Variants in DDX21 observed in about 807,000 individuals in gnomAD.
The protein encoded by DDX21 is nucleolar RNA helicase 2.
In DDX21, 18 loss-of-function variants were observed where a neutral mutation model predicts 90.0. The observed-to-expected ratio is 0.20, with a 90% confidence interval of 0.14 to 0.30. The LOEUF (loss-of-function observed/expected upper bound fraction) is 0.30, where lower values mean the gene tolerates loss of function less well. Ranked by LOEUF, DDX21 falls within the 10% of genes least tolerant of loss-of-function variation. The pLI is 1.00. For missense variants in DDX21, 673 were observed against 944.5 expected, an observed-to-expected ratio of 0.71 and a Z score of 3.77; for synonymous variants, 294 against 318.0, an observed-to-expected ratio of 0.92 and a Z score of 0.80.
Position 68,984,047 on chromosome 10 carries a change from T to TG in DDX21, c.*1237dup, listed in dbSNP as rs1843233210. On this transcript the variant is annotated 3_prime_UTR_variant, in exon 15 of 15. Coordinates refer to ENST00000354185, the MANE Select transcript of DDX21 (RefSeq NM_004728.4). ...GAACTGAAGAACCTGATGTAGCCCC[T>TG]GGCCAGATAACTGCCTGATTTCTCA... 1 of 152,220 alleles carries TG rather than the reference T, an allele frequency of 6.6e-6. No homozygotes were observed. The highest frequency in any genetic ancestry group is 2.4e-5 in the African/African-American group (1 of 41,466). 9.4% of individuals were successfully genotyped at this position (152,220 alleles called of 1,614,324 possible). A position where few individuals can be genotyped will look rare whatever the true frequency, so the allele number is the denominator to read the frequency against.
At chr10:68,975,036 T>C (rs912846360) in intron 11 of DDX21, among the ~76,000 whole-genome samples, 1 of 152,154 alleles carries the variant, frequency 6.6e-6, no homozygotes, top group Non-Finnish European at 1.5e-5. Flanking sequence ...TTTCACAAAG[T>C]GGATACCCTC....
chr10:68,980,057 A>G (rs915534734), intron 13 of DDX21, among the ~76,000 whole-genome samples: 1 of 152,246 alleles, frequency 6.6e-6, no homozygotes, highest in African/African-American at 2.4e-5. Flanking sequence ...CCTGACCAAC[A>G]TGGAGAAAAC....
intron 10 of DDX21, 57 bp downstream of exon 10, chr10:68,973,721 G>A (rs547505888): frequency 6.4e-7 from 1 of 1,563,708 alleles, no homozygotes. Context: ...TCAGTCTTTG[G>A]TTTCTTCAAT....
chr10:68,963,275 G>T lies in DDX21; in HGVS notation c.608-16G>T. 1 of 1,598,602 alleles carries T rather than the reference G, an allele frequency of 6.3e-7. No individual in the cohort carries two copies. On this transcript the variant is annotated splice_polypyrimidine_tract_variant and intron_variant, in intron 3 of 14. Coordinates refer to ENST00000354185, the MANE Select transcript of DDX21 (RefSeq NM_004728.4). ...AAGAATTGCAGTGTGAGATAACACA[G>T]TTAATTTGTTCATAGGCCGAGGAGT...
chr10:68,977,651 C>T lies in DDX21; in HGVS notation c.1865C>T (p.Thr622Met), dbSNP rs762727740. The T allele has an allele frequency of 8.1e-6, 13 of 1,613,348 alleles. No homozygotes were observed. Among genetic ancestry groups the T allele is most frequent in the South Asian group, 7.7e-5 (7 of 91,032 alleles). ...AAALAHISGA[T>M]SVDQRSLINS... ...GCACTGGCCCATATTTCAGGTGCCA[C>T]GTCCGTAGACCAGCGCTCCTTGATC... The change falls in exon 12 of 15, where the codon ACG becomes ATG. Residue 622 changes from threonine to methionine, a missense_variant. Thr to Met is a moderately conservative substitution (Grantham distance 81, BLOSUM62 -1). Around this residue, in one of 4 missense-constraint regions of DDX21, gnomAD observed 225 missense variants for 298.8 expected, o/e 0.75. Transcript: ENST00000354185.
intron 8 of DDX21, among the ~76,000 whole-genome samples, chr10:68,970,962 T>TC (rs1843018152): frequency 1.6e-5 from 2 of 122,608 alleles, no homozygotes; most frequent in South Asian, 5.1e-4. Context: ...CTAATTTTTT[T>TC]TTTTTTTTTT....
chr10:68,980,817 A>C (rs2429024), intron 13 of DDX21, among the ~76,000 whole-genome samples: 56,073 of 138,682 alleles, frequency 0.4, 11,711 homozygotes, highest in Non-Finnish European at 0.49. Context: ...TAATGTAGTG[A>C]GACCCTGTCT....
Position 68,979,038 on chromosome 10 carries a change from G to A in DDX21, c.2037+62G>A. 2.5e-6 allele frequency: 4 copies of A among 1,602,656 alleles called. No homozygotes were observed. In the East Asian group the frequency reaches 8.9e-5, roughly 36 times the overall value. On this transcript the variant is annotated intron_variant, in intron 13 of 14. Transcript: ENST00000354185. The stretch of plus-strand genomic sequence containing the variant: ...TTTATGTGGGCAGGAAAACAGTGTG[G>A]TGTGGGTTCTTCCTGTTCTGTGGGG...
chr10:68,966,889 T>C (rs1317997439), intron 5 of DDX21, 129 bp from the exon 6 acceptor site: 4 of 614,570 alleles, frequency 6.5e-6, no homozygotes, highest in African/African-American at 1.9e-5. Flanking sequence ...CATTATTACT[T>C]AGCATATTAC....
At chr10:68,977,074 C>CT (rs976700160) in intron 11 of DDX21, among the ~76,000 whole-genome samples, 4 of 148,504 alleles carry the variant, frequency 2.7e-5, no homozygotes, top group Admixed American at 6.7e-5. Flanking sequence ...CCACACCCAG[C>CT]TTTTTTTTTT....
rs761511827 is a variant in DDX21 at position 68,970,259 on chromosome 10, G to A, written c.1295G>A (p.Arg432Gln). The change falls in exon 8 of 15, where the codon CGA becomes CAA. Residue 432 changes from arginine (R) to glutamine (Q), a missense_variant. By Grantham distance (43) the Arg-to-Gln change is conservative. Transcript: ENST00000354185. ...GCAGCAGTTATTGGGGATGTCATCC[G>A]AGTATATAGTGGTCATCAAGGACGC... Reference protein sequence around the residue: ...QRAAVIGDVIRVYSGHQGRTI... With the variant: ...QRAAVIGDVIQVYSGHQGRTI... 8 of 1,613,948 alleles carry A rather than the reference G, an allele frequency of 5.0e-6. No homozygotes were observed. The highest frequency in any genetic ancestry group is 6.8e-6 in the Non-Finnish European group (8 of 1,179,922).
At chr10:68,962,215 C>G in intron 3 of DDX21, 58 bp downstream of exon 3, 3 of 1,326,644 alleles carry the variant, frequency 2.3e-6, no homozygotes, top group Non-Finnish European at 3.2e-6. Context: ...CAGAAGCACT[C>G]CACTATTTTT....
Position 68,981,523 on chromosome 10 carries a change from G to C in DDX21, c.2038-14G>C. ...GCGTTGGTTGGATTAACTTCCATTT[G>C]CTTTGATTTCTAGGGTGTTTGCTTT... On this transcript the variant is annotated splice_polypyrimidine_tract_variant and intron_variant, in intron 13 of 14. Coordinates refer to ENST00000354185, the MANE Select transcript of DDX21 (RefSeq NM_004728.4). 6.2e-7 allele frequency: 1 copy of C among 1,611,578 alleles called. No individual in the cohort carries two copies. Among genetic ancestry groups the C allele is most frequent in the Non-Finnish European group, 8.5e-7 (1 of 1,178,782 alleles).
At position 68,956,273 on chromosome 10, in the gene DDX21, A is replaced by C; in HGVS notation, c.48A>C (p.Ala16=). ...ACGCTGGTTTGGAATCAGACACCGC[A>C]ATGAAAAAAGGGGAGACACTGCGAA... ...RSDAGLESDT[A]MKKGETLRKQ... The change falls in exon 1 of 15, where the codon GCA becomes GCC. Residue 16 remains alanine, a synonymous_variant. Coordinates refer to ENST00000354185, the MANE Select transcript of DDX21 (RefSeq NM_004728.4). 4 of 1,614,188 alleles carry C rather than the reference A, an allele frequency of 2.5e-6. No individual in the cohort carries two copies. The highest frequency in any genetic ancestry group is 3.4e-6 in the Non-Finnish European group (4 of 1,180,022).
At chr10:68,966,324 C>T (rs987557864) in intron 5 of DDX21, among the ~76,000 whole-genome samples, 4 of 151,728 alleles carry the variant, frequency 2.6e-5, no homozygotes, top group Non-Finnish European at 5.9e-5. Context: ...ATCTGCCAGC[C>T]TCAGTCTCCC....
At chr10:68,956,723 C>T in intron 1 of DDX21, 2 of 1,022,126 alleles carry the variant, frequency 2.0e-6, no homozygotes, top group South Asian at 3.6e-5. Context: ...TGAGCGTGCG[C>T]GAAGGAAGTT....
intron 9 of DDX21, 40 bp from the exon 10 acceptor site, chr10:68,973,504 CT>C (rs1564628796): frequency 1.2e-6 from 2 of 1,612,466 alleles, no homozygotes; most frequent in Non-Finnish European, 1.7e-6. Flanking sequence ...GTTTGTCTCT[CT>C]TTTTTGGTTT....
At position 68,967,099 on chromosome 10, in the gene DDX21, A is replaced by G; in HGVS notation, c.986A>G (p.Asp329Gly). The change falls in exon 6 of 15, where the codon GAT (aspartate) becomes GGT (glycine). Residue 329 changes from aspartate (D) to glycine (G), a missense_variant. Asp to Gly is a moderately conservative substitution (Grantham distance 94, BLOSUM62 -1). This residue lies in a region of DDX21 where 218 missense variants were observed against 347.3 expected (regional missense o/e 0.63). Transcript: ENST00000354185. ...IKDHIQNGKLDLTKLKHVVLD... is the reference protein window; with the variant it reads ...IKDHIQNGKLGLTKLKHVVLD... ...GACCACATACAGAATGGCAAACTAG[A>G]TCTCACCAAACTTAAGCATGTTGTC... The G allele has an allele frequency of 6.2e-7, 1 of 1,612,666 alleles. No homozygotes were observed. The highest frequency in any genetic ancestry group is 1.1e-5 in the South Asian group (1 of 90,974).
At chr10:68,958,702 C>G (rs866234056) in intron 1 of DDX21, among the ~76,000 whole-genome samples, 4 of 152,014 alleles carry the variant, frequency 2.6e-5, no homozygotes, top group Non-Finnish European at 5.9e-5. Flanking sequence ...CTCCCAAAGT[C>G]CTGAGATTAT....
Sources: allele counts gnomAD v4.1 joint callset (sites outside exome capture counted in the v4.1 genomes callset), GRCh38; gene constraint gnomAD v4.1.1; regional missense constraint gnomAD v4.1.1; transcripts MANE v1.5; gene names NCBI Gene and HGNC (gene_info 2026-07-23, HGNC 2026-07-21).